Variants in TCP11L2 observed in about 807,000 individuals in gnomAD.
The protein encoded by TCP11L2 is t-complex 11 like 2, also known as T-complex protein 11-like protein 2.
TCP11L2 carries 39 observed loss-of-function variants against 50.7 expected under a neutral mutation model. The observed-to-expected ratio is 0.77, with a 90% CI of 0.60 to 1.01. The LOEUF (loss-of-function observed/expected upper bound fraction) is 1.01, where lower values mean the gene tolerates loss of function less well. Among genes scored for constraint, TCP11L2 ranks in the 50% least tolerant of loss-of-function variants. TCP11L2 has a pLI of 0.00. For missense variants in TCP11L2, 612 were observed against 614.7 expected, an observed-to-expected ratio of 1.00 and a Z score of 0.05; for synonymous variants, 192 against 219.3, an observed-to-expected ratio of 0.88 and a Z score of 1.10.
intron 2 of TCP11L2, chr12:106,312,256 C>CTTT (rs1565839680): frequency 3.2e-5 from 10 of 314,280 alleles, no homozygotes; most frequent in Admixed American, 5.2e-5. Flanking sequence ...ATTTAGTTTC[C>CTTT]ATTTTTTTTT....
At chr12:106,325,165 G>T (rs982301391) in intron 6 of TCP11L2, 1 of 152,206 alleles carries the variant, frequency 6.6e-6, no homozygotes, top group Non-Finnish European at 1.5e-5. Flanking sequence ...CTGAGGCACT[G>T]TGAGGTTAAG....
chr12:106,338,470 C>T (rs1033618016), intron 8 of TCP11L2, among the ~76,000 whole-genome samples: 1 of 152,154 alleles, frequency 6.6e-6, no homozygotes, highest in Non-Finnish European at 1.5e-5. Context: ...CCAGTTTTAC[C>T]CATGTTGCTG....
At chr12:106,304,847 T>C (rs1302105344) in intron 1 of TCP11L2, among the ~76,000 whole-genome samples, 1 of 152,204 alleles carries the variant, frequency 6.6e-6, no homozygotes, top group East Asian at 1.9e-4. Flanking sequence ...GCATAAAGAA[T>C]GGCTCCCTCC....
intron 9 of TCP11L2, among the ~76,000 whole-genome samples, chr12:106,341,826 C>T (rs1302055016): frequency 6.6e-6 from 1 of 152,136 alleles, no homozygotes; most frequent in East Asian, 1.9e-4. Flanking sequence ...AACAGTGACC[C>T]CATCATTGAG....
intron 9 of TCP11L2, among the ~76,000 whole-genome samples, chr12:106,345,033 C>T (rs947405258): frequency 6.6e-6 from 1 of 152,096 alleles, no homozygotes; most frequent in African/African-American, 2.4e-5. Context: ...TGGAGTCTCC[C>T]TCTGTTGCCC....
intron 6 of TCP11L2, among the ~76,000 whole-genome samples, chr12:106,334,140 A>G (rs2035833397): frequency 6.6e-6 from 1 of 152,166 alleles, no homozygotes; most frequent in East Asian, 1.9e-4. Context: ...CAACCCAAGT[A>G]TGAGATGCAG....
Position 106,311,117 on chromosome 12 carries a change from G to A in TCP11L2, c.42G>A (p.Gln14=), listed in dbSNP as rs1683986726. The A allele has an allele frequency of 6.2e-7, 1 of 1,614,226 alleles. No homozygotes were observed. The highest frequency in any genetic ancestry group is 8.5e-7 in the Non-Finnish European group (1 of 1,180,042). ...AGAAGCAGTGTGTGGGAGAGGACCA[G>A]CCAAGCGATTCTGATTCTTCCCGGT... is the stretch of plus-strand genomic sequence containing the variant. ...NGEKQCVGED[Q]PSDSDSSRFS... The change falls in exon 2 of 10, where the codon CAG becomes CAA. Residue 14 remains glutamine (Q), a synonymous_variant. Coordinates refer to ENST00000299045, the MANE Select transcript of TCP11L2 (RefSeq NM_152772.3).
At chr12:106,326,577 G>T (rs7132971) in intron 6 of TCP11L2, among the ~76,000 whole-genome samples, 49,605 of 151,974 alleles carry the variant, frequency 0.33, 8,407 homozygotes, top group African/African-American at 0.35. Context: ...AGTAGTCTAT[G>T]CAAGCATCAC....
At chr12:106,314,280 A>G (rs1267110809) in intron 2 of TCP11L2, 78 bp from the exon 3 acceptor site, 5 of 1,467,882 alleles carry the variant, frequency 3.4e-6, no homozygotes, top group African/African-American at 1.4e-5. Context: ...GATAAATTAA[A>G]CCTTATCTGC....
chr12:106,329,317 A>G, intron 6 of TCP11L2: 1 of 1,536,050 alleles, frequency 6.5e-7, no homozygotes, highest in Non-Finnish European at 8.7e-7. Flanking sequence ...AAAATTCTTA[A>G]TCCTGTCCCC....
intron 9 of TCP11L2, 99 bp downstream of exon 9, chr12:106,341,097 AC>A: frequency 1.0e-6 from 1 of 971,370 alleles, no homozygotes; most frequent in Non-Finnish European, 1.6e-6. Flanking sequence ...TAAACACATT[AC>A]CCACTTTTGG....
intron 9 of TCP11L2, among the ~76,000 whole-genome samples, chr12:106,345,188 A>G (rs2036195163): frequency 6.6e-6 from 1 of 151,940 alleles, no homozygotes; most frequent in Non-Finnish European, 1.5e-5. Flanking sequence ...GTAGAGATGA[A>G]GTTTCACTAT....
In TCP11L2 at chr12:106,346,269, C is replaced by T. The variant is rs1215920299; in HGVS notation, c.1316-17C>T. 6 of 1,585,268 alleles carry T rather than the reference C, an allele frequency of 3.8e-6. No homozygotes were observed. The Admixed American group carries it at 5.6e-5, about 15-fold the overall frequency. On this transcript the variant is annotated splice_polypyrimidine_tract_variant and intron_variant, in intron 9 of 9. Transcript: ENST00000299045. ...TTTAATAATGGACAGATAAAAGTATCTTTTTTTCCCCTTCAGATAAACGAA... is the reference window on the plus strand; with the variant it reads ...TTTAATAATGGACAGATAAAAGTATTTTTTTTTCCCCTTCAGATAAACGAA...
intron 9 of TCP11L2, among the ~76,000 whole-genome samples, chr12:106,345,144 A>G (rs929215537): frequency 6.6e-6 from 1 of 152,058 alleles, no homozygotes; most frequent in African/African-American, 2.4e-5. Context: ...ACAGGCACAC[A>G]CCATCATGCC....
intron 9 of TCP11L2, among the ~76,000 whole-genome samples, chr12:106,342,633 C>A (rs76615397): frequency 1.5e-3 from 221 of 152,338 alleles, no homozygotes; most frequent in Admixed American, 2.9e-3. Context: ...TTGTGCAATG[C>A]TGCACGTGCA....
In TCP11L2 at chr12:106,336,307, A is replaced by G. The variant is rs117175840; in HGVS notation, c.1142+94A>G. On this transcript the variant is annotated intron_variant, in intron 8 of 9. Transcript: ENST00000299045. ...ATGACCTTGGACATCTGGATGTGAG[A>G]TTCAGGACTGTGCTTTAGAGAAGCT... The G allele has an allele frequency of 2.8e-3, 3,310 of 1,181,226 alleles. 82 individuals carry two copies. The Admixed American group carries it at 0.044, about 16-fold the overall frequency. 73.2% of individuals were successfully genotyped at this position (1,181,226 alleles called of 1,614,324 possible).
chr12:106,325,205 A>G (rs989219451), intron 6 of TCP11L2: 13 of 152,230 alleles, frequency 8.5e-5, no homozygotes, highest in African/African-American at 3.1e-4. Context: ...ACTTAAAAGT[A>G]TAGGAGCTCA....
At position 106,326,242 on chromosome 12, in the gene TCP11L2, G is replaced by GGAGCACATCCAGGGGA. The variant is rs1381258358; in HGVS notation, c.772+2605_772+2620dup. ...ACATTTAAAGGGGCCCTGGCAGGCA[G>GGAGCACATCCAGGGGA]GAGCACATCCAGGGGAGAGCACATT... On this transcript the variant is annotated intron_variant, in intron 6 of 9. Transcript: ENST00000299045. 9.2e-5 allele frequency among the ~76,000 whole-genome samples: 14 copies of GGAGCACATCCAGGGGA among 152,276 alleles called. No individual in the cohort carries two copies. The East Asian group carries it at 2.5e-3, about 27-fold the overall frequency.
At chr12:106,302,209 A>T (rs973326653), upstream of TCP11L2, among the ~76,000 whole-genome samples, 2 of 152,046 alleles carry the variant, frequency 1.3e-5, no homozygotes, top group African/African-American at 4.8e-5. Context: ...GGGAGCTCGC[A>T]GTGTGGTCCA....
Sources: allele counts gnomAD v4.1 joint callset (sites outside exome capture counted in the v4.1 genomes callset), GRCh38; gene constraint gnomAD v4.1.1; transcripts MANE v1.5; gene names NCBI Gene and HGNC (gene_info 2026-07-23, HGNC 2026-07-21).